Variants in ERC1 observed in about 807,000 individuals in gnomAD.
ERC1 encodes the protein RAB6 interacting protein 2.
In ERC1, 56 loss-of-function variants were observed where a neutral mutation model predicts 132.0. The ratio of observed to expected loss-of-function variants is 0.42; its 90% CI spans 0.34 to 0.53. ERC1 has a LOEUF of 0.53. ERC1 is among the 20% of genes least tolerant of loss of function. The pLI, the probability that ERC1 is intolerant of heterozygous loss-of-function variation, is 0.03. For synonymous variants in ERC1, 478 were observed against 476.1 expected (o/e 1.00, Z -0.05); for missense variants, 1,202 against 1,349.9 (o/e 0.89, Z 1.72).
intron 1 of ERC1, among the ~76,000 whole-genome samples, chr12:1,000,921 G>GT (rs1349367856): frequency 6.6e-6 from 1 of 151,938 alleles, no homozygotes; most frequent in East Asian, 1.9e-4. Flanking sequence ...TAACTTTTTT[G>GT]TTTGTTTGTT....
chr12:1,403,434 T>A (rs1053006565), intron 16 of ERC1, among the ~76,000 whole-genome samples: 2 of 152,234 alleles, frequency 1.3e-5, no homozygotes, highest in Non-Finnish European at 2.9e-5. Flanking sequence ...GAGTCATTTA[T>A]ATGATCTGTG....
chr12:1,147,041 G>A (rs112164542), intron 8 of ERC1, among the ~76,000 whole-genome samples: 6,102 of 152,208 alleles, frequency 0.04, 399 homozygotes, highest in African/African-American at 0.14. Context: ...CATTTGGGTT[G>A]ATTCCAAGTC....
In ERC1 at chr12:1,268,192, T is replaced by C. The variant is rs564521538; in HGVS notation, c.2619+5027T>C. On this transcript the variant is annotated intron_variant, in intron 14 of 18. Coordinates refer to ENST00000360905, the MANE Select transcript of ERC1 (RefSeq NM_178040.4). Reference sequence around the variant, plus strand: ...TAATTGTATTCCTTCGTCTTTCTTATTGCCTTTTTTACTTTTAGCAATTTA... The same window carrying C: ...TAATTGTATTCCTTCGTCTTTCTTACTGCCTTTTTTACTTTTAGCAATTTA... Among the ~76,000 whole-genome samples the C allele has an allele frequency of 2.6e-5, 4 of 152,380 alleles. No individual in the cohort carries two copies. The East Asian group carries it at 7.7e-4, about 29-fold the overall frequency.
chr12:1,341,555 A>G (rs865826492), intron 15 of ERC1, among the ~76,000 whole-genome samples: 27 of 152,022 alleles, frequency 1.8e-4, no homozygotes, highest in African/African-American at 6.3e-4. Context: ...GCAAATTATC[A>G]CAAGGACAGA....
chr12:1,411,422 A>G (rs2091838045), intron 17 of ERC1, among the ~76,000 whole-genome samples: 1 of 151,960 alleles, frequency 6.6e-6, no homozygotes, highest in African/African-American at 2.4e-5. Flanking sequence ...ACATGTGTAG[A>G]TCTCTTAACG....
intron 11 of ERC1, among the ~76,000 whole-genome samples, chr12:1,189,485 C>T (rs148958267): frequency 3.3e-5 from 5 of 152,274 alleles, no homozygotes; most frequent in East Asian, 3.9e-4. Context: ...TCCGGCTATA[C>T]GATCAGCAGT....
chr12:1,399,821 A>G (rs1277766760), intron 16 of ERC1, among the ~76,000 whole-genome samples: 2 of 152,082 alleles, frequency 1.3e-5, no homozygotes, highest in Non-Finnish European at 2.9e-5. Context: ...CTCTTTTTTG[A>G]CTATAATAAA....
At chr12:999,484 C>T (rs761520473) in intron 1 of ERC1, among the ~76,000 whole-genome samples, 1 of 152,068 alleles carries the variant, frequency 6.6e-6, no homozygotes, top group Non-Finnish European at 1.5e-5. Context: ...TCCCTCTCCT[C>T]CACCTTCCAT....
chr12:1,289,090 C>G (rs1354632178), intron 14 of ERC1, among the ~76,000 whole-genome samples: 1 of 101,994 alleles, frequency 9.8e-6, no homozygotes, highest in Non-Finnish European at 2.0e-5. Context: ...TATGTACACA[C>G]ACACACACAC....
chr12:1,344,677 C>G lies in ERC1; in HGVS notation c.2781-27156C>G, dbSNP rs7960675. 6.3e-3 allele frequency among the ~76,000 whole-genome samples: 966 copies of G among 152,226 alleles called. 4 individuals carry two copies. The highest frequency in any genetic ancestry group is 0.02 in the African/African-American group (830 of 41,536). ...TTTCTGTTGTTGGAACCTGAGCTCT[C>G]TAGGAAAACTAACATTTGTTAAGGG... On this transcript the variant is annotated intron_variant, in intron 15 of 18. Transcript: ENST00000360905.
Position 1,289,903 on chromosome 12 carries a change from A to G in ERC1, c.2671A>G (p.Met891Val), listed in dbSNP as rs1260116085. 1 of 1,614,052 alleles carries G rather than the reference A, an allele frequency of 6.2e-7. No homozygotes were observed. The highest frequency in any genetic ancestry group is 8.5e-7 in the Non-Finnish European group (1 of 1,179,910). The change falls in exon 15 of 19, where the codon ATG becomes GTG. Residue 891 changes from methionine (M) to valine (V), a missense_variant. Transcript: ENST00000360905. The part of the protein sequence containing the change: ...MEKVKQELES[M>V]KAKLSSTQQS... Reference sequence around the variant, plus strand: ...GAAGGTAAAGCAGGAACTAGAATCCATGAAAGCAAAGCTGTCCTCCACCCA... The same window carrying G: ...GAAGGTAAAGCAGGAACTAGAATCCGTGAAAGCAAAGCTGTCCTCCACCCA...
intron 14 of ERC1, among the ~76,000 whole-genome samples, chr12:1,273,899 T>C (rs1001456969): frequency 5.9e-5 from 9 of 152,226 alleles, no homozygotes; most frequent in Non-Finnish European, 7.3e-5. Flanking sequence ...TTTTCTGATA[T>C]AGTTGGTCAT....
chr12:1,495,008 G>A lies in ERC1; in HGVS notation c.*4778G>A, dbSNP rs115433417. On this transcript the variant is annotated 3_prime_UTR_variant, in exon 19 of 19. Coordinates refer to ENST00000360905, the MANE Select transcript of ERC1 (RefSeq NM_178040.4). Reference sequence around the variant, plus strand: ...CCGAGCAAAAGGAACGAGAATCTGGGGCTCAGAGCCTCGCAGTTGTGCCAG... The same window carrying A: ...CCGAGCAAAAGGAACGAGAATCTGGAGCTCAGAGCCTCGCAGTTGTGCCAG... The A allele has an allele frequency of 6.4e-4, 146 of 229,892 alleles. No individual in the cohort carries two copies. The highest frequency in any genetic ancestry group is 3.1e-3 in the African/African-American group (141 of 45,240). The allele number at this position is 229,892 out of a possible 1,614,324, so 14.2% of individuals were successfully genotyped here.
intron 15 of ERC1, among the ~76,000 whole-genome samples, chr12:1,353,417 G>C (rs529293781): frequency 1.3e-5 from 2 of 152,278 alleles, no homozygotes; most frequent in East Asian, 3.9e-4. Context: ...TTTCTTTTAT[G>C]GAGCTTAAAG....
intron 17 of ERC1, among the ~76,000 whole-genome samples, chr12:1,423,475 CTG>C (rs925888124): frequency 3.1e-4 from 47 of 152,152 alleles, no homozygotes; most frequent in Non-Finnish European, 6.0e-4. Flanking sequence ...ATTTTTGAGA[CTG>C]TTGTTTTATG....
chr12:1,489,301 G>A (rs2094291187), intron 18 of ERC1, among the ~76,000 whole-genome samples: 1 of 152,106 alleles, frequency 6.6e-6, no homozygotes, highest in African/African-American at 2.4e-5. Context: ...CAGACCCCAC[G>A]CCTCTTTAGT....
At chr12:1,353,028 C>CTTT (rs547540688) in intron 15 of ERC1, among the ~76,000 whole-genome samples, 2 of 122,996 alleles carry the variant, frequency 1.6e-5, no homozygotes, top group African/African-American at 3.0e-5. Context: ...CTTTTCTTTT[C>CTTT]TTTTTTTTTT....
At chr12:1,185,704 C>A (rs1049779449) in intron 11 of ERC1, among the ~76,000 whole-genome samples, 1 of 150,036 alleles carries the variant, frequency 6.7e-6, no homozygotes, top group Non-Finnish European at 1.5e-5. Context: ...TCTCACCTCT[C>A]CCTTCCCGAA....
chr12:1,398,942 TTTTTTTTTTTTTTTTTTTG>T lies in ERC1; in HGVS notation c.2926-9204_2926-9186del, dbSNP rs924515572. 1.3e-3 allele frequency among the ~76,000 whole-genome samples: 116 copies of T among 90,880 alleles called. 3 individuals are homozygous for T. Among genetic ancestry groups the T allele is most frequent in the African/African-American group, 7.3e-3 (111 of 15,172 alleles). 59.6% of individuals were successfully genotyped at this position (90,880 alleles called of 152,430 possible). ...TTCTTTTCTCCTACTTTTTTTTTTT[TTTTTTTTTTTTTTTTTTTG>T]TTGAAACAAGGTCTCACTCTGTCAA... On this transcript the variant is annotated intron_variant, in intron 16 of 18. Coordinates refer to ENST00000360905, the MANE Select transcript of ERC1 (RefSeq NM_178040.4).
Sources: gnomAD v4.1 joint callset for allele counts (sites outside exome capture counted in the v4.1 genomes callset) on GRCh38, gnomAD v4.1.1 for gene constraint, MANE v1.5 for transcripts, NCBI Gene and HGNC (gene_info 2026-07-23, HGNC 2026-07-21) for gene names.